Variants in SCEL observed in about 807,000 individuals in gnomAD.
SCEL encodes the protein sciellin.
SCEL carries 113 observed loss-of-function variants against 117.6 expected under a neutral mutation model. That is an observed-to-expected ratio of 0.96 (90% CI 0.83 to 1.12). The LOEUF (loss-of-function observed/expected upper bound fraction) is 1.12, where lower values mean the gene tolerates loss of function less well. Ranked by LOEUF, SCEL falls within the 50% of genes most tolerant of loss-of-function variation. The pLI, the probability that SCEL is intolerant of heterozygous loss-of-function variation, is 0.00. For missense variants in SCEL, 785 were observed against 810.8 expected, an observed-to-expected ratio of 0.97 and a Z score of 0.39; for synonymous variants, 270 against 256.2, an observed-to-expected ratio of 1.05 and a Z score of -0.51.
At chr13:77,574,929 G>A (rs141201202) in intron 9 of SCEL, among the ~76,000 whole-genome samples, 1 of 151,882 alleles carries the variant, frequency 6.6e-6, no homozygotes, top group Non-Finnish European at 1.5e-5. Context: ...CACTTTTTCT[G>A]TTCTTAATTT....
chr13:77,627,104 T>G (rs1220482328), intron 27 of SCEL, among the ~76,000 whole-genome samples: 2 of 152,196 alleles, frequency 1.3e-5, no homozygotes, highest in African/African-American at 4.8e-5. Flanking sequence ...AATTATTTAT[T>G]CAAATTTTGT....
intron 9 of SCEL, among the ~76,000 whole-genome samples, chr13:77,574,851 A>G (rs1166794681): frequency 1.3e-5 from 2 of 151,506 alleles, no homozygotes; most frequent in Non-Finnish European, 2.9e-5. Flanking sequence ...ATACACTGGT[A>G]TTCATCTCTC....
chr13:77,574,449 A>G (rs1438335524), intron 9 of SCEL, among the ~76,000 whole-genome samples: 1 of 152,264 alleles, frequency 6.6e-6, no homozygotes, highest in Non-Finnish European at 1.5e-5. Flanking sequence ...GTCACAGATT[A>G]TTAATATAAT....
At chr13:77,549,601 C>T (rs1044094179) in intron 1 of SCEL, among the ~76,000 whole-genome samples, 7 of 152,112 alleles carry the variant, frequency 4.6e-5, no homozygotes, top group South Asian at 2.1e-4. Context: ...AACTAGGATC[C>T]GATCAGAAGA....
In SCEL at chr13:77,567,690, A is replaced by C; in HGVS notation, c.301A>C (p.Arg101=). Residue 101 remains arginine, a synonymous_variant, in exon 6 of 33, where the codon AGA becomes CGA. Coordinates refer to ENST00000349847, the MANE Select transcript of SCEL (RefSeq NM_144777.3). ...SDDTLDRISD[R]NDAAKTYKAN... ...TGTTTCTTTATAAAGGATCTCAGACAGAAATGATGCTGCTAAAACATATAA... is the reference window on the plus strand; with the variant it reads ...TGTTTCTTTATAAAGGATCTCAGACCGAAATGATGCTGCTAAAACATATAA... 1 of 1,607,610 alleles carries C rather than the reference A, an allele frequency of 6.2e-7. No homozygotes were observed. Among genetic ancestry groups the C allele is most frequent in the Non-Finnish European group, 8.5e-7 (1 of 1,176,798 alleles).
chr13:77,586,207 C>T (rs2086555932), intron 9 of SCEL, among the ~76,000 whole-genome samples: 1 of 152,114 alleles, frequency 6.6e-6, no homozygotes, highest in Admixed American at 6.6e-5. Flanking sequence ...GGATCCTTCC[C>T]CTCCCCGACC....
At chr13:77,587,191 A>G (rs546932318) in intron 9 of SCEL, among the ~76,000 whole-genome samples, 1 of 151,846 alleles carries the variant, frequency 6.6e-6, no homozygotes, top group Non-Finnish European at 1.5e-5. Context: ...AACCTTCCTC[A>G]CTCTGAGTCA....
intron 5 of SCEL, among the ~76,000 whole-genome samples, chr13:77,566,124 A>C (rs1159761073): frequency 6.6e-6 from 1 of 152,222 alleles, no homozygotes; most frequent in East Asian, 1.9e-4. Flanking sequence ...AGCATGATAG[A>C]GACTATGAGA....
intron 1 of SCEL, among the ~76,000 whole-genome samples, chr13:77,553,449 T>G (rs1049637559): frequency 5.3e-5 from 8 of 152,036 alleles, no homozygotes; most frequent in African/African-American, 1.9e-4. Context: ...AAAAAAAATA[T>G]ATCAGAGCCC....
At chr13:77,555,171 C>G (rs1182455564) in intron 1 of SCEL, among the ~76,000 whole-genome samples, 1 of 152,098 alleles carries the variant, frequency 6.6e-6, no homozygotes, top group Non-Finnish European at 1.5e-5. Context: ...GCAAAAGCGC[C>G]TAGGACCCAT....
chr13:77,566,810 T>C (rs1356941372), intron 5 of SCEL, among the ~76,000 whole-genome samples: 3 of 152,062 alleles, frequency 2.0e-5, no homozygotes, highest in Non-Finnish European at 4.4e-5. Context: ...GGGGAATAAA[T>C]AACAAGGAAG....
intron 11 of SCEL, among the ~76,000 whole-genome samples, chr13:77,591,681 A>G (rs1314557867): frequency 1.3e-5 from 2 of 152,202 alleles, no homozygotes; most frequent in Non-Finnish European, 2.9e-5. Context: ...AATGGTGTGA[A>G]CAAGGTAACA....
At chr13:77,592,617 A>G (rs2086940899) in intron 11 of SCEL, among the ~76,000 whole-genome samples, 1 of 145,722 alleles carries the variant, frequency 6.9e-6, no homozygotes. Context: ...GGAGTGCAGC[A>G]GAGAACTTAT....
chr13:77,644,163 T>C, intron 32 of SCEL, 95 bp from the exon 33 acceptor site: 1 of 1,338,586 alleles, frequency 7.5e-7, no homozygotes, highest in Non-Finnish European at 1.1e-6. Flanking sequence ...ATCCTTAATC[T>C]ACCACTACCC....
intron 1 of SCEL, among the ~76,000 whole-genome samples, chr13:77,541,560 A>G (rs1263764727): frequency 6.6e-6 from 1 of 152,250 alleles, no homozygotes; most frequent in Non-Finnish European, 1.5e-5. Context: ...ATGATGTTAC[A>G]TTGATAAATA....
intron 27 of SCEL, among the ~76,000 whole-genome samples, chr13:77,624,150 G>A (rs1015410587): frequency 6.7e-6 from 1 of 148,158 alleles, no homozygotes; most frequent in Non-Finnish European, 1.5e-5. Context: ...TCTTGCCCAG[G>A]CTGGAGTGCA....
At chr13:77,601,192 T>G (rs1250955776) in intron 15 of SCEL, among the ~76,000 whole-genome samples, 1 of 152,022 alleles carries the variant, frequency 6.6e-6, no homozygotes, top group Non-Finnish European at 1.5e-5. Flanking sequence ...AAAAACAGTT[T>G]GGAGAGTTCT....
At chr13:77,590,386 T>A (rs1164405455) in intron 10 of SCEL, among the ~76,000 whole-genome samples, 1 of 152,096 alleles carries the variant, frequency 6.6e-6, no homozygotes, top group Non-Finnish European at 1.5e-5. Context: ...TAACTTTTTG[T>A]TTGTATGATG....
intron 1 of SCEL, among the ~76,000 whole-genome samples, chr13:77,553,429 G>A (rs1229521443): frequency 2.0e-5 from 3 of 149,356 alleles, no homozygotes; most frequent in East Asian, 2.0e-4. Flanking sequence ...GGTCTTTATC[G>A]GCTAAGAGAA....
Sources: gnomAD v4.1 joint callset for allele counts (sites outside exome capture counted in the v4.1 genomes callset) on GRCh38, gnomAD v4.1.1 for gene constraint, MANE v1.5 for transcripts, NCBI Gene and HGNC (gene_info 2026-07-23, HGNC 2026-07-21) for gene names.